PIK3C2A: variants seen among roughly 807,000 people sequenced by gnomAD.
PIK3C2A encodes the protein phosphatidylinositol 4-phosphate 3-kinase C2 domain-containing subunit alpha.
In PIK3C2A, 97 loss-of-function variants were observed where a neutral mutation model predicts 204.5. That is an observed-to-expected ratio of 0.47 (90% confidence interval 0.40 to 0.56). PIK3C2A has a LOEUF of 0.56. PIK3C2A is among the 20% of genes least tolerant of loss of function. PIK3C2A has a pLI of 0.00. For synonymous variants in PIK3C2A, 653 were observed against 664.4 expected (o/e 0.98, Z 0.26); for missense variants, 1,735 against 1,969.2 (o/e 0.88, Z 2.25).
chr11:17,168,709 G>C lies in PIK3C2A; in HGVS notation c.1033C>G (p.Gln345Glu). The C allele has an allele frequency of 6.3e-7, 1 of 1,599,072 alleles. No homozygotes were observed. The highest frequency in any genetic ancestry group is 1.1e-5 in the South Asian group (1 of 88,156). Residue 345 changes from glutamine to glutamate, a missense_variant, in exon 2 of 33, where the codon CAG becomes GAG. By Grantham distance (29) the Gln-to-Glu change is conservative. Around this residue, in one of 6 missense-constraint regions of PIK3C2A, gnomAD observed 536 missense variants for 546.7 expected, o/e 0.98. Transcript: ENST00000691414. ...ATATGGCCCTGGGCTTTTGCAAGCT[G>C]AGTTGTTCGAATATTTAAAGACTGG... ...RSQSLNIRTT[Q>E]LAKAQGHISQ...
At chr11:17,168,580 TAAAAAC>T (rs144948079) in intron 2 of PIK3C2A, 91 bp downstream of exon 2, 44,710 of 948,398 alleles carry the variant, frequency 0.047, 1,296 homozygotes, top group African/African-American at 0.082. Context: ...GACTCCTTCT[TAAAAAC>T]AAAAACAAAA....
chr11:17,087,226 C>T lies in PIK3C2A; in HGVS notation c.*2512G>A, dbSNP rs1208489473. ...TTAGTGTCTTGGCCAGTTTGTTAAA[C>T]TTTTTTTAGATTTACTTTAATGTCA... On this transcript the variant is annotated 3_prime_UTR_variant, in exon 33 of 33. Coordinates refer to ENST00000691414, the MANE Select transcript of PIK3C2A (RefSeq NM_002645.4). 6.6e-6 allele frequency: 1 copy of T among 152,074 alleles called. No individual in the cohort carries two copies. The highest frequency in any genetic ancestry group is 1.5e-5 in the Non-Finnish European group (1 of 67,984). The allele number at this position is 152,074 out of a possible 1,614,324, so 9.4% of individuals were successfully genotyped here.
rs781058758 is a variant in PIK3C2A at position 17,135,177 on chromosome 11, C to T, written c.1849-18G>A. The T allele has an allele frequency of 2.5e-6, 4 of 1,613,510 alleles. No homozygotes were observed. Among genetic ancestry groups the T allele is most frequent in the Admixed American group, 3.3e-5 (2 of 60,000 alleles). ...GAAGTCACCTACACATGCACACACACACACAATAGTCAGAAAACTGCCTAT... is the reference window on the plus strand; with the variant it reads ...GAAGTCACCTACACATGCACACACATACACAATAGTCAGAAAACTGCCTAT... On this transcript the variant is annotated intron_variant, in intron 9 of 32. Coordinates refer to ENST00000691414, the MANE Select transcript of PIK3C2A (RefSeq NM_002645.4).
chr11:17,168,899 C>T lies in PIK3C2A; in HGVS notation c.843G>A (p.Val281=). 1 of 1,614,100 alleles carries T rather than the reference C, an allele frequency of 6.2e-7. No individual in the cohort carries two copies. The highest frequency in any genetic ancestry group is 8.5e-7 in the Non-Finnish European group (1 of 1,179,992). Residue 281 remains valine (V), a synonymous_variant, in exon 2 of 33, where the codon GTG becomes GTA. Transcript: ENST00000691414. ...CATGGTCTAATACCTCCACATTATCCACCTTAGGCTTACTTAGAGGATCCA... is the reference window on the plus strand; with the variant it reads ...CATGGTCTAATACCTCCACATTATCTACCTTAGGCTTACTTAGAGGATCCA... ...LDLDPLSKPK[V]DNVEVLDHEE...
chr11:17,095,034 A>G (rs552822531), intron 27 of PIK3C2A, among the ~76,000 whole-genome samples: 1 of 152,246 alleles, frequency 6.6e-6, no homozygotes, highest in African/African-American at 2.4e-5. Flanking sequence ...GGATCATTTC[A>G]GCCCTGGAGT....
intron 8 of PIK3C2A, among the ~76,000 whole-genome samples, chr11:17,137,421 G>A (rs992853771): frequency 3.3e-4 from 5 of 15,084 alleles, no homozygotes; most frequent in African/African-American, 8.0e-4. Flanking sequence ...ATATTACTTT[G>A]CCTTTTTTTT....
At chr11:17,127,281 A>G (rs1257137400) in intron 13 of PIK3C2A, among the ~76,000 whole-genome samples, 1 of 152,146 alleles carries the variant, frequency 6.6e-6, no homozygotes, top group Admixed American at 6.5e-5. Flanking sequence ...CGACTAAAAT[A>G]AAGAAAAATA....
chr11:17,187,427 T>C (rs1166606565), intron 1 of PIK3C2A, among the ~76,000 whole-genome samples: 2 of 152,166 alleles, frequency 1.3e-5, no homozygotes, highest in Non-Finnish European at 2.9e-5. Context: ...TTTTAAAGTA[T>C]ACTATTCAGT....
intron 25 of PIK3C2A, among the ~76,000 whole-genome samples, chr11:17,100,247 G>GGT (rs1163227337): frequency 1.3e-5 from 1 of 78,888 alleles, no homozygotes; most frequent in East Asian, 7.3e-4. Flanking sequence ...TTTTTTTGGG[G>GGT]GCGGGGGGGG....
chr11:17,089,054 A>G lies in PIK3C2A; in HGVS notation c.*684T>C, dbSNP rs1194086199. 2.0e-5 allele frequency: 3 copies of G among 152,230 alleles called. No individual in the cohort carries two copies. Among genetic ancestry groups the G allele is most frequent in the Admixed American group, 6.5e-5 (1 of 15,282 alleles). The allele number at this position is 152,230 out of a possible 1,614,324, so 9.4% of individuals were successfully genotyped here. The stretch of plus-strand genomic sequence containing the variant: ...AGCTGCAAGTGAGTGAAAACTATGT[A>G]CTAATTATTTATCAAATCAGGAAAA... On this transcript the variant is annotated 3_prime_UTR_variant, in exon 33 of 33. Coordinates refer to ENST00000691414, the MANE Select transcript of PIK3C2A (RefSeq NM_002645.4).
At chr11:17,151,616 T>C (rs1252599125) in intron 3 of PIK3C2A, among the ~76,000 whole-genome samples, 2 of 152,184 alleles carry the variant, frequency 1.3e-5, no homozygotes, top group Non-Finnish European at 2.9e-5. Context: ...TGTGAACTTA[T>C]TCAAGTTATT....
rs1848219391 is a variant in PIK3C2A, at chr11:17,088,908, T to C, written c.*830A>G. The C allele has an allele frequency of 6.6e-6, 1 of 152,232 alleles. No individual in the cohort carries two copies. Among genetic ancestry groups the C allele is most frequent in the Admixed American group, 6.5e-5 (1 of 15,280 alleles). The allele number at this position is 152,232 out of a possible 1,614,324, so 9.4% of individuals were successfully genotyped here. On this transcript the variant is annotated 3_prime_UTR_variant, in exon 33 of 33. Coordinates refer to ENST00000691414, the MANE Select transcript of PIK3C2A (RefSeq NM_002645.4). ...TGATAGAATTTATTGTACAATCACA[T>C]TGGTGAGTCTTATTCAGGTATTAGG...
rs1851200910 is a variant in PIK3C2A at position 17,172,325 on chromosome 11, T to C, written c.-65-2519A>G. On this transcript the variant is annotated intron_variant, in intron 1 of 32. Coordinates refer to ENST00000691414, the MANE Select transcript of PIK3C2A (RefSeq NM_002645.4). ...TTTACTACCTCAGTTCTTTGTCTCTTGAAATGCAGCCACTGCTATGTGAAT... is the reference window on the plus strand; with the variant it reads ...TTTACTACCTCAGTTCTTTGTCTCTCGAAATGCAGCCACTGCTATGTGAAT... Among the ~76,000 whole-genome samples, 3 of 152,298 alleles carry C rather than the reference T, an allele frequency of 2.0e-5. No homozygotes were observed. The South Asian group carries it at 6.2e-4, about 32-fold the overall frequency.
At chr11:17,127,750 A>G (rs1377574672) in intron 13 of PIK3C2A, among the ~76,000 whole-genome samples, 2 of 152,224 alleles carry the variant, frequency 1.3e-5, no homozygotes, top group African/African-American at 2.4e-5. Context: ...AAGAAAAAGT[A>G]TTAGATTAGC....
chr11:17,169,737 G>A lies in PIK3C2A; in HGVS notation c.5C>T (p.Ala2Val). Residue 2 changes from alanine (A) to valine (V), a missense_variant, in exon 2 of 33, where the codon GCT (alanine) becomes GTT (valine). By Grantham distance (64) the Ala-to-Val change is moderately conservative. Around this residue, in one of 6 missense-constraint regions of PIK3C2A, gnomAD observed 536 missense variants for 546.7 expected, o/e 0.98. Transcript: ENST00000691414. M[A>V]QISSNSGFKE... ...AAATCCGCTGTTGCTAGATATCTGAGCCATGTCCACTAAAAAGACCAAACC... is the reference window on the plus strand; with the variant it reads ...AAATCCGCTGTTGCTAGATATCTGAACCATGTCCACTAAAAAGACCAAACC... 1 of 1,587,202 alleles carries A rather than the reference G, an allele frequency of 6.3e-7. No individual in the cohort carries two copies. The highest frequency in any genetic ancestry group is 8.5e-7 in the Non-Finnish European group (1 of 1,173,492).
In PIK3C2A at chr11:17,135,117, T is replaced by G. The variant is rs752945359; in HGVS notation, c.1891A>C (p.Thr631Pro). The G allele has an allele frequency of 6.2e-7, 1 of 1,613,994 alleles. No homozygotes were observed. The highest frequency in any genetic ancestry group is 1.1e-5 in the South Asian group (1 of 91,082). Reference sequence around the variant, plus strand: ...TAAAGATTTAAACACATACCCCTAGTTGAACTCCTGCTAGTGTCTTCTCCT... The same window carrying G: ...TAAAGATTTAAACACATACCCCTAGGTGAACTCCTGCTAGTGTCTTCTCCT... ...FGGEDTSRSS[T>P]RGSLNPENPV... Residue 631 changes from threonine (T) to proline (P), a missense_variant, in exon 10 of 33, where the codon ACT becomes CCT. Coordinates refer to ENST00000691414, the MANE Select transcript of PIK3C2A (RefSeq NM_002645.4).
intron 1 of PIK3C2A, among the ~76,000 whole-genome samples, chr11:17,179,005 A>G (rs1851440065): frequency 6.6e-6 from 1 of 151,674 alleles, no homozygotes; most frequent in Non-Finnish European, 1.5e-5. Context: ...CTGGGATTAC[A>G]GGCGTGAGCC....
At chr11:17,124,452 G>C (rs1849456826) in intron 13 of PIK3C2A, among the ~76,000 whole-genome samples, 1 of 150,170 alleles carries the variant, frequency 6.7e-6, no homozygotes, top group Non-Finnish European at 1.5e-5. Flanking sequence ...CTTGCATTTG[G>C]ATGTCTTTTT....
intron 11 of PIK3C2A, among the ~76,000 whole-genome samples, chr11:17,133,730 C>A (rs1353423013): frequency 2.0e-5 from 3 of 152,000 alleles, no homozygotes; most frequent in African/African-American, 7.3e-5. Context: ...GAGTTTGAGA[C>A]CAGCCTGGCC....
Sources: gnomAD v4.1 joint callset for allele counts (sites outside exome capture counted in the v4.1 genomes callset) on GRCh38, gnomAD v4.1.1 for gene constraint, gnomAD v4.1.1 regional missense constraint, MANE v1.5 for transcripts, NCBI Gene and HGNC (gene_info 2026-07-23, HGNC 2026-07-21) for gene names.